Variants in TRPM3 observed in about 807,000 individuals in gnomAD.
TRPM3 encodes transient receptor potential cation channel subfamily M member 3.
A neutral mutation model predicts 181.2 loss-of-function variants in TRPM3; 77 were observed. The ratio of observed to expected loss-of-function variants is 0.42; its 90% CI spans 0.35 to 0.51. The LOEUF (loss-of-function observed/expected upper bound fraction) is 0.51. TRPM3 is among the 20% of genes least tolerant of loss of function. The probability of loss-of-function intolerance (pLI) is 0.01; values close to 1 mark genes in which losing one functional copy is unlikely to be tolerated. For synonymous variants in TRPM3, 745 were observed against 796.4 expected, an observed-to-expected ratio of 0.94 and a Z score of 1.09; for missense variants, 1,759 against 2,196.7, an observed-to-expected ratio of 0.80 and a Z score of 3.98.
chr9:70,622,280 A>G (rs2063747740), intron 14 of TRPM3, among the ~76,000 whole-genome samples: 1 of 152,174 alleles, frequency 6.6e-6, no homozygotes, highest in Non-Finnish European at 1.5e-5. Context: ...TTGTTATAAG[A>G]CATCCTGCTG....
chr9:71,381,335 G>A (rs2092794990), intron 1 of TRPM3, among the ~76,000 whole-genome samples: 1 of 152,084 alleles, frequency 6.6e-6, no homozygotes, highest in African/African-American at 2.4e-5. Context: ...AGTCACAGAG[G>A]TGGAAGACAG....
chr9:70,899,508 A>G (rs56123381), intron 1 of TRPM3, among the ~76,000 whole-genome samples: 7,033 of 152,224 alleles, frequency 0.046, 440 homozygotes, highest in African/African-American at 0.14. Context: ...ACGTTGTGTC[A>G]TAACGGTTTG....
chr9:70,980,052 G>A (rs896797960), intron 1 of TRPM3, among the ~76,000 whole-genome samples: 1 of 57,836 alleles, frequency 1.7e-5, no homozygotes, highest in African/African-American at 9.8e-5. Context: ...AGCATGTGTG[G>A]CCATGCATGT....
chr9:70,535,606 C>T lies in TRPM3; in HGVS notation c.*347G>A. ...ATGGTCAGAAATCAACAGATGCCTC[C>T]TGGCATGGAGCGTGCTCGAAGCCCC... On this transcript the variant is annotated 3_prime_UTR_variant, in exon 26 of 26. Coordinates refer to ENST00000677713, the MANE Select transcript of TRPM3 (RefSeq NM_001366145.2). The T allele has an allele frequency of 6.7e-7, 1 of 1,489,906 alleles. No homozygotes were observed. The highest frequency in any genetic ancestry group is 8.9e-7 in the Non-Finnish European group (1 of 1,125,360). The allele number at this position is 1,489,906 out of a possible 1,614,324, so 92.3% of individuals were successfully genotyped here.
intron 1 of TRPM3, among the ~76,000 whole-genome samples, chr9:71,214,557 C>A (rs955249671): frequency 7.2e-5 from 11 of 152,096 alleles, no homozygotes; most frequent in African/African-American, 2.7e-4. Context: ...AGTTTTTTCT[C>A]TATGATGGCT....
intron 1 of TRPM3, among the ~76,000 whole-genome samples, chr9:70,919,807 A>C (rs1189917970): frequency 6.6e-6 from 1 of 151,248 alleles, no homozygotes; most frequent in Non-Finnish European, 1.5e-5. Flanking sequence ...AAAATCTTCC[A>C]TCCCACCATA....
chr9:71,393,777 A>G (rs2093121902), intron 1 of TRPM3, among the ~76,000 whole-genome samples: 1 of 152,238 alleles, frequency 6.6e-6, no homozygotes, highest in East Asian at 1.9e-4. Flanking sequence ...ACAGTTGGCA[A>G]TAAGTATACC....
intron 1 of TRPM3, among the ~76,000 whole-genome samples, chr9:71,202,235 C>T (rs943943667): frequency 6.6e-6 from 1 of 152,092 alleles, no homozygotes; most frequent in African/African-American, 2.4e-5. Flanking sequence ...GTCAGTCTGC[C>T]CCTACCGGGG....
intron 18 of TRPM3, among the ~76,000 whole-genome samples, chr9:70,611,201 T>G (rs1227857335): frequency 1.3e-5 from 2 of 152,042 alleles, no homozygotes; most frequent in Non-Finnish European, 2.9e-5. Flanking sequence ...CATACCTAAT[T>G]TATCCAAAGG....
intron 22 of TRPM3, among the ~76,000 whole-genome samples, chr9:70,570,608 C>T (rs1004048774): frequency 5.9e-5 from 9 of 152,116 alleles, no homozygotes; most frequent in South Asian, 2.1e-4. Context: ...CCACGGCGTC[C>T]GGCCTTAGAT....
Position 70,530,530 on chromosome 9 carries a change from A to G in TRPM3, c.*5423T>C, listed in dbSNP as rs1420140238. The G allele has an allele frequency of 6.6e-6, 1 of 152,210 alleles. No individual in the cohort carries two copies. Among genetic ancestry groups the G allele is most frequent in the Non-Finnish European group, 1.5e-5 (1 of 68,034 alleles). The allele number at this position is 152,210 out of a possible 1,614,324, so 9.4% of individuals were successfully genotyped here. A position where few individuals can be genotyped will look rare whatever the true frequency, so the allele number is the denominator to read the frequency against. On this transcript the variant is annotated 3_prime_UTR_variant, in exon 26 of 26. Coordinates refer to ENST00000677713, the MANE Select transcript of TRPM3 (RefSeq NM_001366145.2). ...GCAGGTTTAAGGAGGCTGGTAGACT[A>G]GGTAAGGTAAGGAAGGGAAAATTCA... is the stretch of plus-strand genomic sequence containing the variant.
intron 1 of TRPM3, among the ~76,000 whole-genome samples, chr9:71,204,515 A>G (rs1371912877): frequency 2.6e-5 from 4 of 152,154 alleles, no homozygotes; most frequent in South Asian, 2.1e-4. Context: ...ACAATGAGAT[A>G]CCATCTCACA....
intron 19 of TRPM3, among the ~76,000 whole-genome samples, chr9:70,606,651 G>GTATA (rs1554775917): frequency 0.016 from 2,212 of 140,682 alleles, 58 homozygotes; most frequent in African/African-American, 0.045. Context: ...GTGTGTGTGT[G>GTATA]TATATATATA....
chr9:71,281,499 T>C (rs2084702525), intron 1 of TRPM3, among the ~76,000 whole-genome samples: 1 of 152,182 alleles, frequency 6.6e-6, no homozygotes, highest in Admixed American at 6.5e-5. Flanking sequence ...AGGTACAGTA[T>C]CTAGTACATG....
At chr9:71,339,535 A>G (rs1483511819) in intron 1 of TRPM3, among the ~76,000 whole-genome samples, 1 of 152,108 alleles carries the variant, frequency 6.6e-6, no homozygotes, top group African/African-American at 2.4e-5. Flanking sequence ...GAAATTTAGC[A>G]TATGATAAAG....
At chr9:70,858,211 A>T (rs1451223748) in intron 3 of TRPM3, among the ~76,000 whole-genome samples, 1 of 152,112 alleles carries the variant, frequency 6.6e-6, no homozygotes, top group Non-Finnish European at 1.5e-5. Flanking sequence ...AATAATTTCA[A>T]CTTTCAAGTA....
At chr9:71,184,448 G>A (rs1355381026) in intron 1 of TRPM3, among the ~76,000 whole-genome samples, 1 of 151,962 alleles carries the variant, frequency 6.6e-6, no homozygotes, top group Admixed American at 6.6e-5. Context: ...TTCTCCTTTT[G>A]TGTTCTCTTC....
chr9:71,299,937 G>A (rs1047139781), intron 1 of TRPM3, among the ~76,000 whole-genome samples: 1 of 152,126 alleles, frequency 6.6e-6, no homozygotes, highest in Non-Finnish European at 1.5e-5. Context: ...TATTTATATA[G>A]GGGACATTTA....
intron 1 of TRPM3, among the ~76,000 whole-genome samples, chr9:71,249,292 G>A (rs2082205136): frequency 6.6e-6 from 1 of 152,118 alleles, no homozygotes; most frequent in African/African-American, 2.4e-5. Flanking sequence ...ATTTGAAAAT[G>A]TTCATTTACC....
Sources: gnomAD v4.1 joint callset for allele counts (sites outside exome capture counted in the v4.1 genomes callset) on GRCh38, gnomAD v4.1.1 for gene constraint, MANE v1.5 for transcripts, NCBI Gene and HGNC (gene_info 2026-07-23, HGNC 2026-07-21) for gene names.